Variants in CLEC4C observed in about 807,000 individuals in gnomAD.
CLEC4C encodes C-type lectin domain family 4 member C, also known as C-type (calcium dependent, carbohydrate-recognition domain) lectin, superfamily member 11.
A neutral mutation model predicts 27.7 loss-of-function variants in CLEC4C; 17 were observed. That is an observed-to-expected ratio of 0.61 (90% confidence interval 0.42 to 0.92). The LOEUF is 0.92. Ranked by LOEUF, CLEC4C falls within the 40% of genes least tolerant of loss-of-function variation. The pLI, the probability that CLEC4C is intolerant of heterozygous loss-of-function variation, is 0.00. For missense variants in CLEC4C, 244 were observed against 257.3 expected, an observed-to-expected ratio of 0.95 and a Z score of 0.35; for synonymous variants, 80 against 80.8, an observed-to-expected ratio of 0.99 and a Z score of 0.06.
chr12:7,729,705 T>C lies in CLEC4C; in HGVS notation c.533A>G (p.Glu178Gly). Residue 178 changes from glutamate (E) to glycine (G), a missense_variant, in exon 6 of 6, where the codon GAG becomes GGG. Physicochemically the swap from Glu to Gly is moderately conservative, Grantham distance 98 (BLOSUM62 -2). Coordinates refer to ENST00000360345, the MANE Select transcript of CLEC4C (RefSeq NM_001371390.1). ...ACGGAAATTTATTATCGCACAACGC[T>C]CATCAAGGTTATTGGGTTCACCTGA... ...WHSGEPNNLD[E>G]RCAIINFRSS... 6.2e-7 allele frequency: 1 copy of C among 1,613,794 alleles called. No individual in the cohort carries two copies. Among genetic ancestry groups the C allele is most frequent in the South Asian group, 1.1e-5 (1 of 91,072 alleles).
In CLEC4C at chr12:7,733,134, A is replaced by T. The variant is rs895542180; in HGVS notation, c.382-2222T>A. 1.3e-5 allele frequency among the ~76,000 whole-genome samples: 2 copies of T among 152,014 alleles called. 1 individual carries two copies. Among genetic ancestry groups the T allele is most frequent in the African/African-American group, 4.8e-5 (2 of 41,298 alleles). On this transcript the variant is annotated intron_variant, in intron 4 of 5. Transcript: ENST00000360345. ...CTAAGTCTCAGGAAACAGATTTAGAAAGATAAAGTTGTCAAACGTCACACA... is the reference window on the plus strand; with the variant it reads ...CTAAGTCTCAGGAAACAGATTTAGATAGATAAAGTTGTCAAACGTCACACA...
At chr12:7,735,299 T>C (rs1242675976) in intron 4 of CLEC4C, among the ~76,000 whole-genome samples, 2 of 151,208 alleles carry the variant, frequency 1.3e-5, no homozygotes, top group African/African-American at 4.9e-5. Flanking sequence ...GGTCAGGAGT[T>C]CGAGACTAGC....
chr12:7,735,192 ACT>A (rs992710870), intron 4 of CLEC4C, among the ~76,000 whole-genome samples: 18 of 147,056 alleles, frequency 1.2e-4, no homozygotes, highest in Non-Finnish European at 2.7e-4. Context: ...ACAGAGAGAG[ACT>A]CTGTCTCAAA....
chr12:7,730,530 C>T (rs1253567414), intron 5 of CLEC4C, among the ~76,000 whole-genome samples: 1 of 151,832 alleles, frequency 6.6e-6, no homozygotes, highest in East Asian at 1.9e-4. Flanking sequence ...ATCCCAGCTA[C>T]TCAGGAGACT....
At chr12:7,742,489 C>A in intron 2 of CLEC4C, among the ~76,000 whole-genome samples, 1 of 125,560 alleles carries the variant, frequency 8.0e-6, no homozygotes. Context: ...CTAGCCTGGG[C>A]AATAGAGCCA....
chr12:7,734,673 C>G (rs764962685), intron 4 of CLEC4C, among the ~76,000 whole-genome samples: 8 of 151,700 alleles, frequency 5.3e-5, no homozygotes. Flanking sequence ...CTCAGCCTCC[C>G]GAGTAACTGT....
intron 1 of CLEC4C, among the ~76,000 whole-genome samples, 174 bp from the exon 2 acceptor site, chr12:7,746,597 A>C (rs1864988686): frequency 6.6e-6 from 1 of 152,238 alleles, no homozygotes; most frequent in Admixed American, 6.5e-5. Flanking sequence ...ACAAATGACC[A>C]GATAGTACCC....
upstream of CLEC4C, among the ~76,000 whole-genome samples, chr12:7,748,135 G>A (rs1865027128): frequency 6.6e-6 from 1 of 152,082 alleles, no homozygotes; most frequent in Middle Eastern, 3.2e-3. Flanking sequence ...GTTGAAGGAT[G>A]GTTACAACTA....
At chr12:7,741,912 T>G (rs185231638) in intron 2 of CLEC4C, among the ~76,000 whole-genome samples, 1 of 151,988 alleles carries the variant, frequency 6.6e-6, no homozygotes, top group Non-Finnish European at 1.5e-5. Flanking sequence ...TCCGAGCTAC[T>G]TGGGAGGCTG....
chr12:7,730,708 TTTA>T, intron 5 of CLEC4C, 86 bp downstream of exon 5: 1 of 687,654 alleles, frequency 1.5e-6, no homozygotes, highest in South Asian at 1.7e-5. Flanking sequence ...TGTTGTGGGT[TTTA>T]TTGTTTGTTT....
At chr12:7,746,682 G>T (rs774240380) in intron 1 of CLEC4C, among the ~76,000 whole-genome samples, 1 of 152,132 alleles carries the variant, frequency 6.6e-6, no homozygotes, top group Non-Finnish European at 1.5e-5. Context: ...CTTTTCCCTT[G>T]AATTGCACAG....
intron 2 of CLEC4C, among the ~76,000 whole-genome samples, chr12:7,743,444 G>C (rs1864904342): frequency 6.6e-6 from 1 of 151,212 alleles, no homozygotes; most frequent in African/African-American, 2.4e-5. Flanking sequence ...GAGTGCAGTG[G>C]CGCGATCTTG....
At chr12:7,741,393 A>C in intron 3 of CLEC4C, 28 bp downstream of exon 3, 1 of 1,163,644 alleles carries the variant, frequency 8.6e-7, no homozygotes, top group Non-Finnish European at 1.3e-6. Flanking sequence ...TAGCAAGGGA[A>C]GTCTTGTTGC....
At chr12:7,746,585 G>C (rs892444699) in intron 1 of CLEC4C, among the ~76,000 whole-genome samples, 162 bp from the exon 2 acceptor site, 1 of 152,202 alleles carries the variant, frequency 6.6e-6, no homozygotes, top group Non-Finnish European at 1.5e-5. Context: ...AATTATCTCA[G>C]AACAAATGAC....
At chr12:7,737,643 T>G in intron 3 of CLEC4C, 69 bp from the exon 4 acceptor site, 4 of 1,444,376 alleles carry the variant, frequency 2.8e-6, no homozygotes, top group South Asian at 1.3e-5. Flanking sequence ...GTTATAAGCT[T>G]AGCTTGCTAA....
intron 3 of CLEC4C, among the ~76,000 whole-genome samples, chr12:7,739,992 G>A (rs962704087): frequency 6.6e-6 from 1 of 151,692 alleles, no homozygotes; most frequent in African/African-American, 2.4e-5. Flanking sequence ...GCGACACCAC[G>A]CCCGGGTAAT....
At chr12:7,730,061 C>T (rs1864559678) in intron 5 of CLEC4C, among the ~76,000 whole-genome samples, 1 of 152,158 alleles carries the variant, frequency 6.6e-6, no homozygotes, top group African/African-American at 2.4e-5. Flanking sequence ...GTCCAATTGC[C>T]ATAGAAATTC....
At chr12:7,739,782 T>C (rs891290554) in intron 3 of CLEC4C, among the ~76,000 whole-genome samples, 3 of 151,998 alleles carry the variant, frequency 2.0e-5, no homozygotes, top group South Asian at 4.1e-4. Context: ...GGAGCTCAAC[T>C]GATCCTCCCA....
At chr12:7,747,069 C>G (rs978896573) in intron 1 of CLEC4C, among the ~76,000 whole-genome samples, 1 of 152,172 alleles carries the variant, frequency 6.6e-6, no homozygotes, top group African/African-American at 2.4e-5. Context: ...GGTGCTCTGC[C>G]CACCTCGGCC....
Sources: allele counts gnomAD v4.1 joint callset (sites outside exome capture counted in the v4.1 genomes callset), GRCh38; gene constraint gnomAD v4.1.1; transcripts MANE v1.5; gene names NCBI Gene and HGNC (gene_info 2026-07-23, HGNC 2026-07-21).